ZSCAN31: variants seen among roughly 807,000 people sequenced by gnomAD.
ZSCAN31 encodes the protein zinc finger and SCAN domain containing 31.
ZSCAN31 carries 14 observed loss-of-function variants against 22.5 expected under a neutral mutation model. The observed-to-expected ratio is 0.62, with a 90% confidence interval of 0.41 to 0.97. The LOEUF (loss-of-function observed/expected upper bound fraction) is 0.97. Ranked by LOEUF, ZSCAN31 falls within the 50% of genes least tolerant of loss-of-function variation. The probability of loss-of-function intolerance (pLI) is 0.00; values close to 1 mark genes in which losing one functional copy is unlikely to be tolerated. For synonymous variants in ZSCAN31, 168 were observed against 169.8 expected, an observed-to-expected ratio of 0.99 and a Z score of 0.08; for missense variants, 424 against 483.4, an observed-to-expected ratio of 0.88 and a Z score of 1.15.
intron 2 of ZSCAN31, among the ~76,000 whole-genome samples, chr6:28,344,540 T>G (rs1292807589): frequency 3.3e-5 from 5 of 152,222 alleles, no homozygotes; most frequent in Non-Finnish European, 5.9e-5. Flanking sequence ...GTGATAGTTG[T>G]GATTGGTGGA....
rs116141494 is a variant in ZSCAN31, at chr6:28,342,971, G to T, written c.-370-1179C>A. On this transcript the variant is annotated intron_variant, in intron 2 of 7. Transcript: ENST00000396838. ...ATTGGAGAAAGGGGGAATATCCAAA[G>T]CTTTTTAGGATGAACCTTTTACACA... Among the ~76,000 whole-genome samples the T allele has an allele frequency of 6.8e-3, 1,037 of 152,292 alleles. 12 individuals carry two copies. The highest frequency in any genetic ancestry group is 0.023 in the African/African-American group (948 of 41,544).
intron 2 of ZSCAN31, among the ~76,000 whole-genome samples, chr6:28,352,971 TTTTTTTTTTTG>T (rs1765156008): frequency 6.9e-6 from 1 of 145,150 alleles, no homozygotes; most frequent in African/African-American, 2.8e-5. Flanking sequence ...TTTCTTTTTT[TTTTTTTTTTTG>T]AGGCAGAGTC....
At chr6:28,345,144 CAAA>C (rs60598517) in intron 2 of ZSCAN31, among the ~76,000 whole-genome samples, 10 of 93,626 alleles carry the variant, frequency 1.1e-4, no homozygotes, top group Non-Finnish European at 1.6e-4. Flanking sequence ...AACTGTGTCT[CAAA>C]AAAAAAAAAA....
intron 1 of ZSCAN31, chr6:28,332,465 C>G (rs1252578554): frequency 6.6e-6 from 1 of 152,182 alleles, no homozygotes; most frequent in Non-Finnish European, 1.5e-5. Flanking sequence ...GAATAACGTT[C>G]AAATCCTGTG....
At chr6:28,343,625 G>T (rs1254580115) in intron 2 of ZSCAN31, among the ~76,000 whole-genome samples, 1 of 138,276 alleles carries the variant, frequency 7.2e-6, no homozygotes, top group Non-Finnish European at 1.5e-5. Context: ...CTCACTGCAA[G>T]CTCTGCCTCC....
intron 2 of ZSCAN31, among the ~76,000 whole-genome samples, chr6:28,345,290 A>G (rs2113860910): frequency 1.3e-5 from 2 of 152,288 alleles, no homozygotes; most frequent in South Asian, 4.1e-4. Flanking sequence ...TCATTATAGA[A>G]TATTCACCAT....
chr6:28,332,833 C>T (rs986650003), intron 1 of ZSCAN31, among the ~76,000 whole-genome samples: 1 of 152,230 alleles, frequency 6.6e-6, no homozygotes, highest in African/African-American at 2.4e-5. Context: ...AACATCCCAA[C>T]AACAGCTCAA....
upstream of ZSCAN31, among the ~76,000 whole-genome samples, chr6:28,338,722 G>A (rs1482520216): frequency 2.0e-5 from 3 of 152,120 alleles, no homozygotes; most frequent in Non-Finnish European, 4.4e-5. Flanking sequence ...CTCCTCTATA[G>A]TAACTCTCCC....
At chr6:28,345,988 C>T (rs1474927062) in intron 2 of ZSCAN31, among the ~76,000 whole-genome samples, 2 of 152,184 alleles carry the variant, frequency 1.3e-5, no homozygotes, top group Admixed American at 1.3e-4. Context: ...GTAGAAGTAG[C>T]TCTGAATTCC....
chr6:28,355,537 A>G (rs1765368418), upstream of ZSCAN31: 1 of 152,194 alleles, frequency 6.6e-6, no homozygotes, highest in Non-Finnish European at 1.5e-5. Flanking sequence ...GGTCACATGC[A>G]CATCAAGTTT....
At chr6:28,332,042 C>A (rs1763791995) in intron 1 of ZSCAN31, among the ~76,000 whole-genome samples, 1 of 152,086 alleles carries the variant, frequency 6.6e-6, no homozygotes, top group Non-Finnish European at 1.5e-5. Flanking sequence ...TAAATATATT[C>A]TCCCCTCCTA....
Position 28,326,327 on chromosome 6 carries a change from G to C in ZSCAN31, c.1060C>G (p.Arg354Gly), listed in dbSNP as rs1306003481. Residue 354 changes from arginine to glycine, a missense_variant, in exon 4 of 4, where the codon CGT becomes GGT. Arg to Gly is a moderately radical substitution (Grantham distance 125). Coordinates refer to ENST00000344279, the MANE Select transcript of ZSCAN31 (RefSeq NM_030899.5). ...IHTGEKRYQCRECGKAFIQNA... is the reference protein window; with the variant it reads ...IHTGEKRYQCGECGKAFIQNA... ...TGAATGAAGGCTTTGCCACACTCAC[G>C]ACACTGATAGCGCTTCTCTCCAGTG... 1 of 1,614,150 alleles carries C rather than the reference G, an allele frequency of 6.2e-7. No individual in the cohort carries two copies. Among genetic ancestry groups the C allele is most frequent in the Non-Finnish European group, 8.5e-7 (1 of 1,180,024 alleles).
chr6:28,329,335 G>T lies in ZSCAN31; in HGVS notation c.349C>A (p.Leu117Met), dbSNP rs1445969546. Residue 117 changes from leucine (L) to methionine (M), a missense_variant, in exon 2 of 4, where the codon CTG becomes ATG. Transcript: ENST00000344279. Reference protein sequence around the residue: ...GEEAVAVVEDLEQELSEPGNQ... With the variant: ...GEEAVAVVEDMEQELSEPGNQ... ...CCTGGCTCACTAAGCTCTTGTTCCAGATCTTCAACTACAGCCACAGCCTCC... is the reference window on the plus strand; with the variant it reads ...CCTGGCTCACTAAGCTCTTGTTCCATATCTTCAACTACAGCCACAGCCTCC... 1.2e-6 allele frequency: 2 copies of T among 1,601,400 alleles called. No individual in the cohort carries two copies. The highest frequency in any genetic ancestry group is 1.7e-6 in the Non-Finnish European group (2 of 1,174,744).
rs1457466855 is a variant in ZSCAN31 at position 28,333,798 on chromosome 6, A to G, written c.-96+2284T>C. Among the ~76,000 whole-genome samples the G allele has an allele frequency of 6.6e-6, 1 of 152,216 alleles. No individual in the cohort carries two copies. Among genetic ancestry groups the G allele is most frequent in the Non-Finnish European group, 1.5e-5 (1 of 68,038 alleles). Reference sequence around the variant, plus strand: ...AAGCAGGAGTCAGATCATGTAGGGCATAGGAGTTAGGATTTTATAAATGCA... The same window carrying G: ...AAGCAGGAGTCAGATCATGTAGGGCGTAGGAGTTAGGATTTTATAAATGCA... On this transcript the variant is annotated intron_variant, in intron 1 of 3. Transcript: ENST00000344279. The surrounding 1 kb of genome is among the most constrained non-coding windows in gnomAD (Gnocchi z 4.1).
intron 2 of ZSCAN31, among the ~76,000 whole-genome samples, chr6:28,344,937 C>T (rs573289892): frequency 1.2e-4 from 18 of 149,776 alleles, no homozygotes; most frequent in South Asian, 1.1e-3. Flanking sequence ...CCAGATCAGT[C>T]TGGTCAACAT....
intron 3 of ZSCAN31, 86 bp from the exon 4 acceptor site, chr6:28,326,940 C>A: frequency 8.0e-7 from 1 of 1,252,742 alleles, no homozygotes; most frequent in Non-Finnish European, 1.1e-6. Flanking sequence ...AGATCGATAT[C>A]AAACAGACAT....
chr6:28,345,184 A>C (rs972221781), intron 2 of ZSCAN31, among the ~76,000 whole-genome samples: 1 of 150,382 alleles, frequency 6.6e-6, no homozygotes, highest in Non-Finnish European at 1.5e-5. Context: ...AAAAGAAAAG[A>C]AAAATGATTG....
At chr6:28,343,542 C>CTTTTTTTTT (rs34131321) in intron 2 of ZSCAN31, among the ~76,000 whole-genome samples, 2 of 105,876 alleles carry the variant, frequency 1.9e-5, no homozygotes, top group Non-Finnish European at 3.6e-5. Flanking sequence ...TTTTTTCTTT[C>CTTTTTTTTT]TTTTTTTTTT....
chr6:28,334,811 A>G (rs1184825797), intron 1 of ZSCAN31, among the ~76,000 whole-genome samples: 1 of 152,220 alleles, frequency 6.6e-6, no homozygotes, highest in Non-Finnish European at 1.5e-5. Context: ...GGATTTAAAC[A>G]TGAACTAGGT....
Sources: gnomAD v4.1 joint callset for allele counts (sites outside exome capture counted in the v4.1 genomes callset) on GRCh38, gnomAD v4.1.1 for gene constraint, Gnocchi (gnomAD v3.1) non-coding constraint, MANE v1.5 for transcripts, NCBI Gene and HGNC (gene_info 2026-07-23, HGNC 2026-07-21) for gene names.